Variants in MID1 observed in about 807,000 individuals in gnomAD.
The protein encoded by MID1 is midline 1.
Under a neutral mutation model 40.4 loss-of-function variants are expected in MID1, and 7 were observed. The ratio of observed to expected loss-of-function variants is 0.17; its 90% CI spans 0.10 to 0.33. The LOEUF (loss-of-function observed/expected upper bound fraction) is 0.33. Among genes scored for constraint, MID1 ranks in the 10% least tolerant of loss-of-function variants. The pLI is 1.00. For synonymous variants in MID1, 229 were observed against 221.2 expected, an observed-to-expected ratio of 1.04 and a Z score of -0.31; for missense variants, 367 against 558.5, an observed-to-expected ratio of 0.66 and a Z score of 3.46.
At chrX:10,534,338 C>T (rs1028497106) in intron 2 of MID1, among the ~76,000 whole-genome samples, 1 of 111,798 alleles carries the variant, frequency 8.9e-6, no homozygotes, top group African/African-American at 3.3e-5. Context: ...GGATGCTTAG[C>T]CTTGGATGGA....
chrX:10,573,902 C>T, intron 1 of MID1, among the ~76,000 whole-genome samples: 1 of 111,692 alleles, frequency 9.0e-6, no homozygotes, highest in East Asian at 2.8e-4. Context: ...GATTTATCCT[C>T]TTCCCTCATT....
intron 7 of MID1, chrX:10,460,134 A>C: frequency 3.1e-6 from 1 of 319,734 alleles, no homozygotes; most frequent in Non-Finnish European, 5.6e-6. Context: ...TGAAATGACA[A>C]TGTGCTAGTT....
chrX:10,673,485 G>A (rs554553477), intron 1 of MID1, among the ~76,000 whole-genome samples: 1 of 111,681 alleles, frequency 9.0e-6, no homozygotes, highest in African/African-American at 3.3e-5. Context: ...CTAATATGAT[G>A]TTTCTACCTT....
intron 1 of MID1, among the ~76,000 whole-genome samples, chrX:10,684,699 G>A (rs965936706): frequency 2.7e-5 from 3 of 110,933 alleles, no homozygotes; most frequent in East Asian, 2.8e-4. Context: ...GTGAGCCACC[G>A]CGCCCGGCCA....
At chrX:10,771,373 C>T (rs1248150959) in intron 1 of MID1, among the ~76,000 whole-genome samples, 2 of 111,527 alleles carry the variant, frequency 1.8e-5, no homozygotes, top group Non-Finnish European at 3.8e-5. Context: ...ATAAACTTCT[C>T]ATATGGAAAA....
At chrX:10,742,528 T>A (rs1393801224) in intron 1 of MID1, among the ~76,000 whole-genome samples, 4 of 112,427 alleles carry the variant, frequency 3.6e-5, no homozygotes, top group African/African-American at 1.3e-4. Context: ...CTTATTATGG[T>A]TTTTCTTTGT....
intron 1 of MID1, among the ~76,000 whole-genome samples, chrX:10,636,817 T>TATATATAC (rs1204232884): frequency 2.3e-5 from 2 of 86,022 alleles, no homozygotes; most frequent in African/African-American, 8.4e-5. Flanking sequence ...TATATATATA[T>TATATATAC]ACACCACTGG....
chrX:10,491,062 T>G (rs187713226), intron 4 of MID1, among the ~76,000 whole-genome samples: 4 of 112,189 alleles, frequency 3.6e-5, no homozygotes, highest in African/African-American at 1.3e-4. Flanking sequence ...TTTTAAATTA[T>G]TTTTTACAAG....
intron 3 of MID1, chrX:10,506,173 C>T: frequency 1.1e-6 from 1 of 925,171 alleles, no homozygotes; most frequent in Non-Finnish European, 1.3e-6. Context: ...CAGTGATTCA[C>T]ATGTACGTTT....
chrX:10,748,655 T>A (rs2043577615), intron 1 of MID1, among the ~76,000 whole-genome samples: 1 of 111,997 alleles, frequency 8.9e-6, no homozygotes, highest in Middle Eastern at 4.2e-3. Flanking sequence ...TTCAGGGAGA[T>A]GTAAAACTAA....
At chrX:10,645,166 T>G (rs374560250) in intron 1 of MID1, among the ~76,000 whole-genome samples, 1 of 111,552 alleles carries the variant, frequency 9.0e-6, no homozygotes, top group African/African-American at 3.3e-5. Context: ...GGGCAACCTA[T>G]GTAACTTCTC....
chrX:10,545,866 C>T (rs1324960212), intron 2 of MID1, among the ~76,000 whole-genome samples: 2 of 111,959 alleles, frequency 1.8e-5, no homozygotes. Context: ...TCATGATTCT[C>T]TTGCTTATTT....
At chrX:10,576,672 T>C (rs1462362663) in intron 1 of MID1, 2 of 111,265 alleles carry the variant, frequency 1.8e-5, no homozygotes, top group Non-Finnish European at 3.8e-5. Context: ...ATCCAATTTG[T>C]TCAATTGAAA....
intron 1 of MID1, among the ~76,000 whole-genome samples, chrX:10,636,835 C>T (rs1369092498): frequency 1.3e-5 from 1 of 74,288 alleles, no homozygotes; most frequent in East Asian, 3.6e-4. Context: ...TGGTGACTGA[C>T]ACCTGAAATT....
intron 1 of MID1, among the ~76,000 whole-genome samples, chrX:10,795,112 C>T (rs916740346): frequency 1.8e-5 from 2 of 111,466 alleles, no homozygotes; most frequent in Non-Finnish European, 3.8e-5. Flanking sequence ...CCTCCACCCA[C>T]ACTGGATGCC....
In MID1 at chrX:10,830,269, G is replaced by A. The variant is rs140862493; in HGVS notation, c.-187+3285C>T. 4.9e-3 allele frequency among the ~76,000 whole-genome samples: 547 copies of A among 112,443 alleles called. 5 individuals are homozygous for A. The highest frequency in any genetic ancestry group is 0.017 in the African/African-American group (534 of 31,004). On this transcript the variant is annotated intron_variant, in intron 1 of 10. Coordinates refer to the MID1 transcript ENST00000380785. ...GAGAACGATTAGCAAAAGAGTGAGT[G>A]ATCAAGTAAGTTTGCAGCAAATCAT...
At chrX:10,700,647 C>A (rs903806889) in intron 1 of MID1, among the ~76,000 whole-genome samples, 1 of 112,182 alleles carries the variant, frequency 8.9e-6, no homozygotes, top group Non-Finnish European at 1.9e-5. Context: ...GATTAAGGGG[C>A]ACAATCTTAT....
At chrX:10,472,960 A>G (rs1425417784) in intron 6 of MID1, among the ~76,000 whole-genome samples, 1 of 112,504 alleles carries the variant, frequency 8.9e-6, no homozygotes, top group African/African-American at 3.2e-5. Flanking sequence ...TGTTGCTTGC[A>G]ACTAAACTCA....
chrX:10,554,417 C>T (rs1338578995), intron 2 of MID1, among the ~76,000 whole-genome samples: 1 of 112,188 alleles, frequency 8.9e-6, no homozygotes, highest in Non-Finnish European at 1.9e-5. Flanking sequence ...TGTACTACCA[C>T]TCAGCCCTGA....
Sources: allele counts gnomAD v4.1 joint callset (sites outside exome capture counted in the v4.1 genomes callset), GRCh38; gene constraint gnomAD v4.1.1; transcripts MANE v1.5; gene names NCBI Gene and HGNC (gene_info 2026-07-23, HGNC 2026-07-21).